SDK1: variants seen among roughly 807,000 people sequenced by gnomAD.
SDK1 encodes the protein sidekick cell adhesion molecule 1.
A neutral mutation model predicts 245.5 loss-of-function variants in SDK1; 157 were observed. The observed-to-expected ratio is 0.64, with a 90% CI of 0.56 to 0.73. The LOEUF (loss-of-function observed/expected upper bound fraction) is 0.73, where lower values mean the gene tolerates loss of function less well. Ranked by LOEUF, SDK1 falls within the 30% of genes least tolerant of loss-of-function variation. The pLI is 0.00. For synonymous variants in SDK1, 1,647 were observed against 1,278.5 expected (o/e 1.29, Z -6.15); for missense variants, 3,583 against 3,002.3 (o/e 1.19, Z -4.52).
intron 1 of SDK1, among the ~76,000 whole-genome samples, chr7:3,390,299 A>G (rs970294860): frequency 6.6e-6 from 1 of 152,278 alleles, no homozygotes. Flanking sequence ...TTCATTTAGA[A>G]TGTCAAATAT....
At chr7:3,455,071 A>G (rs1223296111) in intron 1 of SDK1, among the ~76,000 whole-genome samples, 1 of 151,440 alleles carries the variant, frequency 6.6e-6, no homozygotes, top group Non-Finnish European at 1.5e-5. Context: ...CATTTTTGTA[A>G]TGGCTACTGG....
intron 1 of SDK1, among the ~76,000 whole-genome samples, chr7:3,380,060 A>G (rs1781447845): frequency 6.6e-6 from 1 of 152,228 alleles, no homozygotes; most frequent in Non-Finnish European, 1.5e-5. Flanking sequence ...GAGAGGTGAG[A>G]TGACAAATGA....
rs777817094 is a variant in SDK1, at chr7:4,220,219, A to G, written c.5650A>G (p.Ile1884Val). ...TTTCTTCCGTGTCCAAGCGCGGACC[A>G]TCACCTACGGGCCCGAGCTCCAAGC... The part of the protein sequence containing the change: ...TYFFRVQART[I>V]TYGPELQANI... Residue 1884 changes from isoleucine to valine, a missense_variant, in exon 39 of 45, where the codon ATC becomes GTC. Physicochemically the swap from Ile to Val is conservative, Grantham distance 29. Coordinates refer to ENST00000404826, the MANE Select transcript of SDK1 (RefSeq NM_152744.4). 3.1e-6 allele frequency: 5 copies of G among 1,613,904 alleles called. No individual in the cohort carries two copies. Among genetic ancestry groups the G allele is most frequent in the Admixed American group, 1.7e-5 (1 of 60,000 alleles).
intron 4 of SDK1, among the ~76,000 whole-genome samples, chr7:3,737,483 C>A (rs1779350016): frequency 6.6e-6 from 1 of 152,212 alleles, no homozygotes; most frequent in African/African-American, 2.4e-5. Flanking sequence ...GTAGGCTGAG[C>A]CCCAGGGCTG....
At chr7:3,493,314 C>T (rs186078012) in intron 1 of SDK1, among the ~76,000 whole-genome samples, 55 of 152,292 alleles carry the variant, frequency 3.6e-4, no homozygotes, top group Non-Finnish European at 4.3e-4. Context: ...TCTAACTGTC[C>T]ATTCAGGACA....
intron 1 of SDK1, among the ~76,000 whole-genome samples, chr7:3,604,291 C>T (rs191511944): frequency 1.3e-4 from 20 of 152,252 alleles, no homozygotes; most frequent in African/African-American, 2.2e-4. Context: ...TGGTAGAATT[C>T]GGCTGTGAAT....
rs116175024 is a variant in SDK1 at position 3,547,874 on chromosome 7, C to G, written c.299-71206C>G. On this transcript the variant is annotated intron_variant, in intron 1 of 44. Coordinates refer to ENST00000404826, the MANE Select transcript of SDK1 (RefSeq NM_152744.4). Reference sequence around the variant, plus strand: ...CCTGCTTTCCTTTCTGCCTGGCCATCTGCTTCTTAGAATCTTCCCTGACCA... The same window carrying G: ...CCTGCTTTCCTTTCTGCCTGGCCATGTGCTTCTTAGAATCTTCCCTGACCA... Among the ~76,000 whole-genome samples the G allele has an allele frequency of 7.4e-3, 1,123 of 152,332 alleles. 22 individuals are homozygous for G. The highest frequency in any genetic ancestry group is 0.026 in the African/African-American group (1,085 of 41,578).
At chr7:3,806,227 C>T (rs1779239897) in intron 4 of SDK1, among the ~76,000 whole-genome samples, 2 of 152,234 alleles carry the variant, frequency 1.3e-5, no homozygotes, top group Admixed American at 1.3e-4. Context: ...TCTTTAGATC[C>T]TTAACCTCAC....
intron 1 of SDK1, among the ~76,000 whole-genome samples, chr7:3,307,281 G>A (rs1355974148): frequency 6.6e-6 from 1 of 151,866 alleles, no homozygotes; most frequent in Admixed American, 6.6e-5. Context: ...TAATCCTGAG[G>A]GAGGACATAT....
intron 2 of SDK1, among the ~76,000 whole-genome samples, chr7:3,627,813 A>G (rs902531406): frequency 6.6e-6 from 1 of 152,232 alleles, no homozygotes; most frequent in East Asian, 1.9e-4. Context: ...TCTGAAGTGG[A>G]TGCTCTCTAG....
At chr7:4,113,694 G>T (rs938188717) in intron 24 of SDK1, among the ~76,000 whole-genome samples, 1 of 152,164 alleles carries the variant, frequency 6.6e-6, no homozygotes, top group African/African-American at 2.4e-5. Context: ...GAAAGCTGGG[G>T]GTGCCTCACA....
At chr7:3,576,038 A>T (rs1230239965) in intron 1 of SDK1, among the ~76,000 whole-genome samples, 1 of 152,086 alleles carries the variant, frequency 6.6e-6, no homozygotes, top group Non-Finnish European at 1.5e-5. Flanking sequence ...GTAAAGAAAC[A>T]AGAAAAGGGA....
chr7:4,212,122 T>G (rs1262697900), intron 38 of SDK1, among the ~76,000 whole-genome samples: 1 of 152,210 alleles, frequency 6.6e-6, no homozygotes. Context: ...ATTTAATGTC[T>G]GCGAGGAAAA....
chr7:3,912,673 C>A (rs1484670027), intron 5 of SDK1, among the ~76,000 whole-genome samples: 2 of 152,358 alleles, frequency 1.3e-5, no homozygotes, highest in African/African-American at 2.4e-5. Context: ...GGGCCCACCC[C>A]ACGGATGGCT....
At chr7:3,647,860 A>T (rs977381978) in intron 4 of SDK1, among the ~76,000 whole-genome samples, 6 of 152,202 alleles carry the variant, frequency 3.9e-5, no homozygotes, top group Non-Finnish European at 7.3e-5. Context: ...ATGTCCACAG[A>T]CATCTTCAGC....
chr7:3,932,739 C>T (rs776184975), intron 5 of SDK1, among the ~76,000 whole-genome samples: 48 of 152,314 alleles, frequency 3.2e-4, no homozygotes, highest in African/African-American at 1.1e-3. Flanking sequence ...GTGCCTGGCT[C>T]GTTCTGTGGC....
At chr7:3,971,657 G>T in intron 12 of SDK1, 89 bp downstream of exon 12, 1 of 992,848 alleles carries the variant, frequency 1.0e-6, no homozygotes. Flanking sequence ...AGAATTGGGG[G>T]AACTTTTGAT....
intron 1 of SDK1, among the ~76,000 whole-genome samples, chr7:3,504,122 C>T (rs1782308680): frequency 6.6e-6 from 1 of 150,660 alleles, no homozygotes; most frequent in South Asian, 2.1e-4. Flanking sequence ...TGCACTCCAG[C>T]CTGGGCAACA....
chr7:4,129,821 G>T (rs1784673100), intron 26 of SDK1, 87 bp from the exon 27 acceptor site: 11 of 1,573,800 alleles, frequency 7.0e-6, no homozygotes, highest in Admixed American at 1.7e-5. Context: ...GCTGGGCCTT[G>T]ATTCACGAAG....
Sources: gnomAD v4.1 joint callset for allele counts (sites outside exome capture counted in the v4.1 genomes callset) on GRCh38, gnomAD v4.1.1 for gene constraint, MANE v1.5 for transcripts, NCBI Gene and HGNC (gene_info 2026-07-23, HGNC 2026-07-21) for gene names.